KIF13B: variants seen among roughly 807,000 people sequenced by gnomAD.
KIF13B encodes the protein kinesin family member 13B.
KIF13B carries 127 observed loss-of-function variants against 222.0 expected under a neutral mutation model. The ratio of observed to expected loss-of-function variants is 0.57; its 90% CI spans 0.50 to 0.66. The LOEUF is 0.66. KIF13B is among the 30% of genes least tolerant of loss of function. The probability of loss-of-function intolerance (pLI) is 0.00; values close to 1 mark genes in which losing one functional copy is unlikely to be tolerated. For synonymous variants in KIF13B, 976 were observed against 919.0 expected, an observed-to-expected ratio of 1.06 and a Z score of -1.12; for missense variants, 2,173 against 2,379.0, an observed-to-expected ratio of 0.91 and a Z score of 1.80.
intron 2 of KIF13B, among the ~76,000 whole-genome samples, chr8:29,198,341 A>C (rs1813531923): frequency 6.6e-6 from 1 of 151,802 alleles, no homozygotes; most frequent in African/African-American, 2.4e-5. Flanking sequence ...TTTTTTTGAG[A>C]CAGAGTTTTC....
Position 29,132,399 on chromosome 8 carries a change from C to T in KIF13B, c.2851G>A (p.Val951Ile), listed in dbSNP as rs1176377601. The T allele has an allele frequency of 6.3e-7, 1 of 1,594,752 alleles. No individual in the cohort carries two copies. The highest frequency in any genetic ancestry group is 1.1e-5 in the South Asian group (1 of 87,898). Residue 951 changes from valine to isoleucine, a missense_variant, in exon 23 of 40, where the codon GTA (valine) becomes ATA (isoleucine). Val to Ile is a conservative substitution (Grantham distance 29). This residue lies in a region of KIF13B where 1,480 missense variants were observed against 1,722.8 expected (regional missense o/e 0.86). Transcript: ENST00000524189. ...GGATCGTTTATTTTATGTCCATATA[C>T]TTCAATTGCCAATGCTCCTTCGGAA... ...HLSEGALAIE[V>I]YGHKINDPRK...
intron 32 of KIF13B, among the ~76,000 whole-genome samples, chr8:29,112,025 T>G (rs755645114): frequency 6.6e-6 from 1 of 152,240 alleles, no homozygotes; most frequent in African/African-American, 2.4e-5. Context: ...ATATTTACTA[T>G]GCAAGTCTAA....
intron 36 of KIF13B, among the ~76,000 whole-genome samples, chr8:29,094,016 C>G (rs1436514905): frequency 6.6e-6 from 1 of 152,146 alleles, no homozygotes; most frequent in East Asian, 1.9e-4. Flanking sequence ...AGTTCTGTAT[C>G]AAATTAAACT....
At chr8:29,239,198 C>G (rs1040131675) in intron 2 of KIF13B, among the ~76,000 whole-genome samples, 1 of 152,148 alleles carries the variant, frequency 6.6e-6, no homozygotes, top group Non-Finnish European at 1.5e-5. Context: ...TGGACTCACA[C>G]TTGACCAAGG....
chr8:29,216,468 G>A (rs911213954), intron 2 of KIF13B, among the ~76,000 whole-genome samples: 3 of 151,956 alleles, frequency 2.0e-5, no homozygotes, highest in Admixed American at 6.6e-5. Flanking sequence ...GCATGGTGGC[G>A]GGTGCCTGTA....
At chr8:29,098,747 A>C (rs1446279137) in intron 36 of KIF13B, among the ~76,000 whole-genome samples, 2 of 152,194 alleles carry the variant, frequency 1.3e-5, no homozygotes, top group Non-Finnish European at 2.9e-5. Context: ...TCCCAGAAAA[A>C]AAAAATGAGG....
chr8:29,225,104 T>C lies in KIF13B; in HGVS notation c.149+20242A>G, dbSNP rs1363431207. On this transcript the variant is annotated intron_variant, in intron 2 of 39. Transcript: ENST00000524189. ...GGTTGAAAAAGACATCACGGAAAGATATGTCACAAGGTCTTTGTTGTCTGT... is the reference window on the plus strand; with the variant it reads ...GGTTGAAAAAGACATCACGGAAAGACATGTCACAAGGTCTTTGTTGTCTGT... 6.6e-5 allele frequency among the ~76,000 whole-genome samples: 10 copies of C among 152,192 alleles called. No individual in the cohort carries two copies. The South Asian group carries it at 2.1e-3, about 32-fold the overall frequency.
At chr8:29,245,110 C>G (rs538546671) in intron 2 of KIF13B, among the ~76,000 whole-genome samples, 2 of 152,352 alleles carry the variant, frequency 1.3e-5, no homozygotes, top group African/African-American at 4.8e-5. Context: ...CAACATAACA[C>G]TCAGTCTCTT....
chr8:29,245,031 C>T (rs965670234), intron 2 of KIF13B, among the ~76,000 whole-genome samples: 1 of 152,210 alleles, frequency 6.6e-6, no homozygotes, highest in African/African-American at 2.4e-5. Context: ...TGCTAAGGAA[C>T]CGACTTACAT....
At chr8:29,113,842 T>A (rs1809470414) in intron 31 of KIF13B, among the ~76,000 whole-genome samples, 1 of 152,176 alleles carries the variant, frequency 6.6e-6, no homozygotes, top group East Asian at 1.9e-4. Flanking sequence ...GAACGGTGCT[T>A]CAATGCTACA....
At chr8:29,187,937 CAGG>C (rs34191024) in intron 5 of KIF13B, among the ~76,000 whole-genome samples, 4,477 of 152,316 alleles carry the variant, frequency 0.029, 97 homozygotes, top group Non-Finnish European at 0.048. Context: ...TGGCCAGCTG[CAGG>C]AGCAGGACTG....
At chr8:29,187,770 C>T (rs568180318) in intron 5 of KIF13B, among the ~76,000 whole-genome samples, 2 of 152,264 alleles carry the variant, frequency 1.3e-5, no homozygotes, top group East Asian at 3.9e-4. Flanking sequence ...ATACCTAAAG[C>T]TAATGTGCCA....
intron 2 of KIF13B, among the ~76,000 whole-genome samples, chr8:29,214,624 C>T (rs1814392720): frequency 6.6e-6 from 1 of 152,156 alleles, no homozygotes; most frequent in Admixed American, 6.6e-5. Context: ...TAGGCATATA[C>T]ACTAAAATAA....
chr8:29,239,291 T>C (rs1267447754), intron 2 of KIF13B, among the ~76,000 whole-genome samples: 1 of 152,176 alleles, frequency 6.6e-6, no homozygotes, highest in Admixed American at 6.5e-5. Context: ...TCTGAGGAGG[T>C]ATAGCTCCCT....
chr8:29,081,788 C>T (rs1247299091), intron 37 of KIF13B, among the ~76,000 whole-genome samples: 1 of 152,170 alleles, frequency 6.6e-6, no homozygotes, highest in African/African-American at 2.4e-5. Flanking sequence ...CTAACTCAGT[C>T]GTGTTGTTGA....
intron 32 of KIF13B, among the ~76,000 whole-genome samples, chr8:29,112,362 G>T (rs1427560198): frequency 6.7e-6 from 1 of 149,000 alleles, no homozygotes; most frequent in African/African-American, 2.5e-5. Context: ...GAACCCGGGA[G>T]TCGGAGGTTG....
intron 26 of KIF13B, among the ~76,000 whole-genome samples, chr8:29,124,474 G>A (rs1024798116): frequency 3.9e-5 from 6 of 152,212 alleles, no homozygotes; most frequent in African/African-American, 7.2e-5. Context: ...ATGGCTGGGC[G>A]TGGTGGCTCA....
At chr8:29,150,063 C>T in intron 15 of KIF13B, among the ~76,000 whole-genome samples, 1 of 152,150 alleles carries the variant, frequency 6.6e-6, no homozygotes, top group East Asian at 1.9e-4. Context: ...AAGGGAAAAA[C>T]TATGTAGGTA....
At chr8:29,196,121 T>G in intron 3 of KIF13B, 66 bp downstream of exon 3, 1 of 1,309,678 alleles carries the variant, frequency 7.6e-7, no homozygotes, top group Non-Finnish European at 1.1e-6. Context: ...GAAGAAAACT[T>G]CTAAGAGTTC....
Sources: gnomAD v4.1 joint callset for allele counts (sites outside exome capture counted in the v4.1 genomes callset) on GRCh38, gnomAD v4.1.1 for gene constraint, gnomAD v4.1.1 regional missense constraint, MANE v1.5 for transcripts, NCBI Gene and HGNC (gene_info 2026-07-23, HGNC 2026-07-21) for gene names.